Variants in SSR2 observed in about 807,000 individuals in gnomAD.
The protein encoded by SSR2 is signal sequence receptor subunit 2.
A neutral mutation model predicts 22.6 loss-of-function variants in SSR2; 16 were observed. The ratio of observed to expected loss-of-function variants is 0.71; its 90% confidence interval spans 0.48 to 1.08. The LOEUF (loss-of-function observed/expected upper bound fraction) is 1.08. Among genes scored for constraint, SSR2 ranks in the 50% least tolerant of loss-of-function variants. SSR2 has a pLI of 0.00. For missense variants in SSR2, 171 were observed against 221.6 expected, an observed-to-expected ratio of 0.77 and a Z score of 1.45; for synonymous variants, 83 against 91.2, an observed-to-expected ratio of 0.91 and a Z score of 0.51.
chr1:156,019,237 C>T (rs1265483761), intron 2 of SSR2: 2 of 454,236 alleles, frequency 4.4e-6, no homozygotes, highest in Non-Finnish European at 4.4e-6. Context: ...CCAAGTTCAT[C>T]CTTGCCTCAA....
chr1:156,014,915 GA>G (rs1558077134), intron 4 of SSR2, 45 bp downstream of exon 4: 1 of 1,481,058 alleles, frequency 6.8e-7, no homozygotes, highest in South Asian at 1.1e-5. Context: ...GATTTTAAGG[GA>G]AGGCAGATCC....
chr1:156,015,091 GGAAA>G (rs753225539), intron 3 of SSR2, 22 bp from the exon 4 acceptor site: 1 of 1,587,388 alleles, frequency 6.3e-7, no homozygotes, highest in Non-Finnish European at 8.6e-7. Flanking sequence ...GTTAAGGAAC[GGAAA>G]GAGATGAAGC....
At chr1:156,020,389 T>C (rs747377886) in intron 1 of SSR2, 47 of 482,336 alleles carry the variant, frequency 9.7e-5, no homozygotes, top group Middle Eastern at 1.1e-3. Flanking sequence ...ATATATCTAC[T>C]GCCCTCTTCC....
chr1:156,016,071 A>G (rs1683050610), intron 3 of SSR2, among the ~76,000 whole-genome samples: 1 of 151,828 alleles, frequency 6.6e-6, no homozygotes, highest in African/African-American at 2.4e-5. Context: ...GAATCGCTTG[A>G]ACTCGGGAGC....
chr1:156,014,124 C>T (rs574785056), intron 4 of SSR2: 2 of 152,122 alleles, frequency 1.3e-5, no homozygotes, highest in African/African-American at 4.8e-5. Context: ...TCACCTTAAA[C>T]ATTTATCTTT....
chr1:156,018,082 C>A (rs541016915), intron 3 of SSR2, 188 bp downstream of exon 3: 2 of 512,070 alleles, frequency 3.9e-6, no homozygotes, highest in African/African-American at 3.9e-5. Flanking sequence ...ACTTCAGTAT[C>A]CTCCTTCTTC....
intron 5 of SSR2, 135 bp from the exon 6 acceptor site, chr1:156,009,785 T>C: frequency 1.7e-6 from 1 of 602,616 alleles, no homozygotes; most frequent in South Asian, 2.5e-5. Flanking sequence ...TCTTAGTTTT[T>C]TTTTTTGAGA....
chr1:156,015,212 T>C (rs1683033186), intron 3 of SSR2, 143 bp from the exon 4 acceptor site: 4 of 669,738 alleles, frequency 6.0e-6, no homozygotes, highest in Non-Finnish European at 1.0e-5. Flanking sequence ...AATGAAAAAA[T>C]ATAGGCTTCT....
At chr1:156,019,956 C>G in intron 2 of SSR2, 57 bp downstream of exon 2, 1 of 1,576,784 alleles carries the variant, frequency 6.3e-7, no homozygotes, top group Non-Finnish European at 8.6e-7. Context: ...CTATTCCCAT[C>G]TGAAAACTAA....
intron 4 of SSR2, chr1:156,013,859 A>ACATCAGT (rs1683015579): frequency 6.6e-6 from 1 of 152,494 alleles, no homozygotes; most frequent in African/African-American, 2.4e-5. Context: ...AAAGACAAGG[A>ACATCAGT]CATCAGTAGG....
In SSR2 at chr1:156,020,183, C is replaced by G. The variant is rs779710271; in HGVS notation, c.1-16G>C. ...GCAGCCTCATCTTTAGAGAAAAAAG[C>G]AAAGTGAGTTATCAAACCAAGTACG... On this transcript the variant is annotated splice_polypyrimidine_tract_variant and intron_variant, in intron 1 of 5. Transcript: ENST00000295702. 2 of 1,612,682 alleles carry G rather than the reference C, an allele frequency of 1.2e-6. No individual in the cohort carries two copies. Among genetic ancestry groups the G allele is most frequent in the South Asian group, 1.1e-5 (1 of 90,976 alleles).
chr1:156,016,391 G>A (rs1331625025), intron 3 of SSR2, among the ~76,000 whole-genome samples: 2 of 151,736 alleles, frequency 1.3e-5, no homozygotes, highest in African/African-American at 2.4e-5. Context: ...CCGCCACCAC[G>A]CCTGGCTAAT....
intron 1 of SSR2, 133 bp from the exon 2 acceptor site, chr1:156,020,300 A>G: frequency 1.1e-6 from 1 of 879,586 alleles, no homozygotes; most frequent in Non-Finnish European, 1.7e-6. Flanking sequence ...GTAGTCCATA[A>G]GCCACCAGAG....
intron 3 of SSR2, 23 bp downstream of exon 3, chr1:156,018,247 A>G (rs1025845561): frequency 6.2e-7 from 1 of 1,601,514 alleles, no homozygotes; most frequent in Admixed American, 1.7e-5. Flanking sequence ...CCGACCCTTC[A>G]TCACCAAGTG....
intron 3 of SSR2, among the ~76,000 whole-genome samples, chr1:156,017,677 C>T (rs1384448187): frequency 7.0e-6 from 1 of 143,044 alleles, no homozygotes; most frequent in Non-Finnish European, 1.5e-5. Context: ...CCTTAAATAC[C>T]TTTGTCCAGC....
At chr1:156,017,591 A>C (rs927563924) in intron 3 of SSR2, among the ~76,000 whole-genome samples, 3 of 151,610 alleles carry the variant, frequency 2.0e-5, no homozygotes, top group African/African-American at 4.9e-5. Flanking sequence ...CTCGTGATCC[A>C]CCCACCTTGG....
chr1:156,020,146 C>G lies in SSR2; in HGVS notation c.22G>C (p.Val8Leu). The G allele has an allele frequency of 6.2e-7, 1 of 1,614,042 alleles. No individual in the cohort carries two copies. The highest frequency in any genetic ancestry group is 1.1e-5 in the South Asian group (1 of 91,064). MRLLSFV[V>L]LALFAVTQAE... ...TGAGTGACAGCAAATAGAGCCAACA[C>G]CACAAATGACAGCAGCCTCATCTTT... Residue 8 changes from valine to leucine, a missense_variant, in exon 2 of 6, where the codon GTG (valine) becomes CTG (leucine). Val to Leu is a conservative substitution (Grantham distance 32, BLOSUM62 1). Transcript: ENST00000295702.
At position 156,020,946 on chromosome 1, in the gene SSR2, C is replaced by T. The variant is rs1008177793; in HGVS notation, c.-59G>A. 1.7e-5 allele frequency: 8 copies of T among 471,210 alleles called. No homozygotes were observed. The highest frequency in any genetic ancestry group is 2.6e-5 in the Non-Finnish European group (6 of 227,046). The allele number at this position is 471,210 out of a possible 1,614,324, so 29.2% of individuals were successfully genotyped here. On this transcript the variant is annotated 5_prime_UTR_variant, in exon 1 of 6. Transcript: ENST00000295702. Reference sequence around the variant, plus strand: ...AAGACAGGAAGAGAGCGTCAGCATCCGAAAGACCGGAAATAAGCACTGGCC... The same window carrying T: ...AAGACAGGAAGAGAGCGTCAGCATCTGAAAGACCGGAAATAAGCACTGGCC...
intron 4 of SSR2, chr1:156,014,624 CTCT>C: frequency 5.3e-6 from 1 of 190,210 alleles, no homozygotes. Context: ...TCACTGCAAC[CTCT>C]GCCTCCTGGG....
Sources: gnomAD v4.1 joint callset for allele counts (sites outside exome capture counted in the v4.1 genomes callset) on GRCh38, gnomAD v4.1.1 for gene constraint, MANE v1.5 for transcripts, NCBI Gene and HGNC (gene_info 2026-07-23, HGNC 2026-07-21) for gene names.